PMPCB: variants seen among roughly 807,000 people sequenced by gnomAD.
PMPCB encodes mitochondrial-processing peptidase subunit beta.
A neutral mutation model predicts 61.5 loss-of-function variants in PMPCB; 46 were observed. That is an observed-to-expected ratio of 0.75 (90% CI 0.59 to 0.96). The LOEUF (loss-of-function observed/expected upper bound fraction) is 0.96. Ranked by LOEUF, PMPCB falls within the 40% of genes least tolerant of loss-of-function variation. The probability of loss-of-function intolerance (pLI) is 0.00; values close to 1 mark genes in which losing one functional copy is unlikely to be tolerated. For missense variants in PMPCB, 590 were observed against 602.4 expected (o/e 0.98, Z 0.22); for synonymous variants, 191 against 201.6 (o/e 0.95, Z 0.44).
At position 103,297,448 on chromosome 7, in the gene PMPCB, C is replaced by T. The variant is rs188719785; in HGVS notation, c.-12C>T. On this transcript the variant is annotated 5_prime_UTR_variant, in exon 1 of 13. Coordinates refer to ENST00000249269, the MANE Select transcript of PMPCB (RefSeq NM_004279.3). The stretch of plus-strand genomic sequence containing the variant: ...AGCACATCCTTCATCCTCTACCTTC[C>T]TTCTAGCAGAAATGGCGGCTGCGGC... 6.8e-4 allele frequency: 1,054 copies of T among 1,543,082 alleles called. 10 individuals carry two copies. The African/African-American group carries it at 0.013, about 18-fold the overall frequency.
intron 12 of PMPCB, chr7:103,322,927 A>C: frequency 1.3e-6 from 1 of 774,526 alleles, no homozygotes; most frequent in Non-Finnish European, 2.0e-6. Context: ...CTAACATTAA[A>C]CAATGATTTT....
At chr7:103,342,341 T>C in the PMPCB span, among the ~76,000 whole-genome samples, 1 of 152,066 alleles carries the variant, frequency 6.6e-6, no homozygotes, top group African/African-American at 2.4e-5. Context: ...GTTTTGCTCT[T>C]ACTGCCCAGG....
downstream of PMPCB, among the ~76,000 whole-genome samples, chr7:103,334,434 G>C (rs1819087878): frequency 1.3e-5 from 2 of 151,772 alleles, no homozygotes; most frequent in Non-Finnish European, 2.9e-5. Context: ...ATGTTGGCAG[G>C]TGCCTGTAAT....
Position 103,313,343 on chromosome 7 carries a change from C to T in PMPCB, c.*1072C>T, listed in dbSNP as rs1446325592. 8.3e-7 allele frequency: 1 copy of T among 1,199,378 alleles called. No homozygotes were observed. The allele number at this position is 1,199,378 out of a possible 1,614,324, so 74.3% of individuals were successfully genotyped here. A position where few individuals can be genotyped will look rare whatever the true frequency, so the allele number is the denominator to read the frequency against. Reference sequence around the variant, plus strand: ...TTTAAAACACAATAGTAAAGATCTACCTTGTACTGTTTATCTCTTAAAAAT... The same window carrying T: ...TTTAAAACACAATAGTAAAGATCTATCTTGTACTGTTTATCTCTTAAAAAT... On this transcript the variant is annotated 3_prime_UTR_variant, in exon 13 of 13. Transcript: ENST00000249269.
At chr7:103,319,808 C>T in intron 12 of PMPCB, 1 of 1,614,182 alleles carries the variant, frequency 6.2e-7, no homozygotes, top group South Asian at 1.1e-5. Flanking sequence ...ATCATTTTAA[C>T]CCGCTCTGCC....
the PMPCB span, chr7:103,344,611 C>T: frequency 3.5e-5 from 56 of 1,611,686 alleles, no homozygotes; most frequent in Middle Eastern, 1.7e-4. Context: ...CGGCGCTTGG[C>T]AGAAGCAGCA....
Position 103,313,104 on chromosome 7 carries a change from G to T in PMPCB, c.*833G>T. ...AGGGGTGAAGTCTGTATATGGACCT[G>T]ATTAAGAAAAATTTTTATTTGAAAA... On this transcript the variant is annotated 3_prime_UTR_variant, in exon 13 of 13. Coordinates refer to ENST00000249269, the MANE Select transcript of PMPCB (RefSeq NM_004279.3). 1 of 1,593,942 alleles carries T rather than the reference G, an allele frequency of 6.3e-7. No individual in the cohort carries two copies. Among genetic ancestry groups the T allele is most frequent in the Non-Finnish European group, 8.5e-7 (1 of 1,174,018 alleles).
At position 103,313,869 on chromosome 7, in the gene PMPCB, A is replaced by C; in HGVS notation, c.*1598A>C. On this transcript the variant is annotated 3_prime_UTR_variant, in exon 13 of 13. Coordinates refer to ENST00000249269, the MANE Select transcript of PMPCB (RefSeq NM_004279.3). Reference sequence around the variant, plus strand: ...AAGTGGTAGAAAGCTGATTTGGTTAAGTTAATGGACTTCTGGCAATTTAGT... The same window carrying C: ...AAGTGGTAGAAAGCTGATTTGGTTACGTTAATGGACTTCTGGCAATTTAGT... 1 of 985,410 alleles carries C rather than the reference A, an allele frequency of 1.0e-6. No homozygotes were observed. The highest frequency in any genetic ancestry group is 1.2e-6 in the Non-Finnish European group (1 of 829,922). The allele number at this position is 985,410 out of a possible 1,614,324, so 61.0% of individuals were successfully genotyped here.
the PMPCB span, among the ~76,000 whole-genome samples, chr7:103,338,617 A>G: frequency 2.6e-5 from 4 of 151,998 alleles, no homozygotes; most frequent in Non-Finnish European, 4.4e-5. Context: ...GTCTTTAAAA[A>G]AAAGAAGAGA....
chr7:103,332,461 TTATGATTAA>T (rs1586103885), downstream of PMPCB, among the ~76,000 whole-genome samples: 1 of 152,216 alleles, frequency 6.6e-6, no homozygotes, highest in East Asian at 1.9e-4. Context: ...CCAAAACAGT[TTATGATTAA>T]CCGATTCTCC....
intron 6 of PMPCB, among the ~76,000 whole-genome samples, chr7:103,305,188 A>C (rs1434623521): frequency 6.6e-6 from 1 of 152,128 alleles, no homozygotes; most frequent in Non-Finnish European, 1.5e-5. Context: ...TGATTTGTTC[A>C]ATCATTCATT....
intron 12 of PMPCB, among the ~76,000 whole-genome samples, chr7:103,328,214 G>A (rs1348393291): frequency 3.3e-5 from 5 of 152,042 alleles, no homozygotes; most frequent in African/African-American, 1.2e-4. Flanking sequence ...GAGCCACTGA[G>A]CCCGGCTTGA....
chr7:103,309,272 T>C (rs1817674014), intron 8 of PMPCB, 177 bp downstream of exon 8: 2 of 486,752 alleles, frequency 4.1e-6, no homozygotes, highest in Admixed American at 4.3e-5. Flanking sequence ...AAAGTTTCTT[T>C]TTTTCTTTGC....
intron 12 of PMPCB, chr7:103,327,889 C>A: frequency 1.8e-6 from 1 of 554,476 alleles, no homozygotes; most frequent in Non-Finnish European, 3.1e-6. Context: ...TATGCTTATT[C>A]AATGTGAAAA....
chr7:103,333,289 T>G (rs1257685447), downstream of PMPCB, among the ~76,000 whole-genome samples: 1 of 152,172 alleles, frequency 6.6e-6, no homozygotes, highest in Non-Finnish European at 1.5e-5. Flanking sequence ...TTTTCCCTCT[T>G]TTGAAAAAAG....
At chr7:103,312,159 A>G (rs748965161) in intron 12 of PMPCB, 28 bp downstream of exon 12, 4 of 1,613,912 alleles carry the variant, frequency 2.5e-6, no homozygotes, top group Non-Finnish European at 3.4e-6. Context: ...TCTTCTATGC[A>G]AAAAGTTGGC....
At chr7:103,317,011 C>T (rs1818100008), downstream of PMPCB, 2 of 1,612,390 alleles carry the variant, frequency 1.2e-6, no homozygotes, top group Admixed American at 1.7e-5. Flanking sequence ...TTTATTTCTT[C>T]TATCTGCACA....
At chr7:103,298,193 T>G (rs562452459) in intron 1 of PMPCB, among the ~76,000 whole-genome samples, 3 of 152,048 alleles carry the variant, frequency 2.0e-5, no homozygotes, top group Non-Finnish European at 4.4e-5. Flanking sequence ...CGAGTGTCAG[T>G]TTTGTCTTGT....
At chr7:103,330,069 T>C (rs1286697067), downstream of PMPCB, among the ~76,000 whole-genome samples, 1 of 152,200 alleles carries the variant, frequency 6.6e-6, no homozygotes, top group East Asian at 1.9e-4. Context: ...AGTAGGGAAT[T>C]AACTACATTT....
Sources: allele counts gnomAD v4.1 joint callset (sites outside exome capture counted in the v4.1 genomes callset), GRCh38; gene constraint gnomAD v4.1.1; transcripts MANE v1.5; gene names NCBI Gene and HGNC (gene_info 2026-07-23, HGNC 2026-07-21).